Variants in TAF4 observed in about 807,000 individuals in gnomAD.
The protein encoded by TAF4 is transcription initiation factor TFIID subunit 4.
Under a neutral mutation model 90.3 loss-of-function variants are expected in TAF4, and 9 were observed. The observed-to-expected ratio is 0.10, with a 90% confidence interval of 0.06 to 0.17. The LOEUF (loss-of-function observed/expected upper bound fraction) is 0.17. TAF4 is among the 10% of genes least tolerant of loss of function. The pLI is 1.00. For synonymous variants in TAF4, 818 were observed against 638.9 expected, an observed-to-expected ratio of 1.28 and a Z score of -4.23; for missense variants, 1,351 against 1,370.7, an observed-to-expected ratio of 0.99 and a Z score of 0.23.
At chr20:62,046,345 C>A (rs913751826) in intron 1 of TAF4, among the ~76,000 whole-genome samples, 5 of 152,348 alleles carry the variant, frequency 3.3e-5, no homozygotes, top group Middle Eastern at 3.4e-3. Context: ...CGTTTCTATT[C>A]GCTTAAAACA....
At chr20:61,987,755 C>G (rs949354006) in intron 14 of TAF4, among the ~76,000 whole-genome samples, 1 of 152,260 alleles carries the variant, frequency 6.6e-6, no homozygotes, top group African/African-American at 2.4e-5. Flanking sequence ...TATGTCCACA[C>G]GAAATCCTGC....
intron 12 of TAF4, 51 bp downstream of exon 12, chr20:61,998,932 G>C: frequency 1.2e-6 from 2 of 1,601,510 alleles, no homozygotes; most frequent in Non-Finnish European, 1.7e-6. Context: ...TCATCAGGTT[G>C]TGGCTGAGAC....
intron 7 of TAF4, among the ~76,000 whole-genome samples, chr20:62,004,273 T>TG (rs1281922827): frequency 6.6e-6 from 1 of 151,776 alleles, no homozygotes; most frequent in Non-Finnish European, 1.5e-5. Flanking sequence ...TGTTGCCTGG[T>TG]GGCTACAGGT....
At chr20:62,026,695 C>A (rs1035138957) in intron 1 of TAF4, among the ~76,000 whole-genome samples, 1 of 152,200 alleles carries the variant, frequency 6.6e-6, no homozygotes, top group Non-Finnish European at 1.5e-5. Flanking sequence ...GAAAGAGCAG[C>A]CTCTCCTGAA....
chr20:62,006,675 G>A lies in TAF4; in HGVS notation c.2058C>T (p.Thr686=). Residue 686 remains threonine, a synonymous_variant, in exon 7 of 15, where the codon ACC becomes ACT. Coordinates refer to ENST00000252996, the MANE Select transcript of TAF4 (RefSeq NM_003185.4). This position sits in a 1 kb window ranked among gnomAD's most constrained non-coding sequence, Gnocchi z 7.0. The part of the protein sequence containing the change: ...QQSQQQPPPP[T]SQATTALTAV... Reference sequence around the variant, plus strand: ...CCGTGAGCGCAGTGGTGGCCTGCGAGGTGGGCGGTGGCGGCTGCTGCTGGC... The same window carrying A: ...CCGTGAGCGCAGTGGTGGCCTGCGAAGTGGGCGGTGGCGGCTGCTGCTGGC... 6.3e-7 allele frequency: 1 copy of A among 1,595,582 alleles called. No individual in the cohort carries two copies.
chr20:62,064,958 CG>C lies in TAF4; in HGVS notation c.852del (p.Gly285AlafsTer124). The C allele has an allele frequency of 2.5e-6, 1 of 399,756 alleles. No individual in the cohort carries two copies. The highest frequency in any genetic ancestry group is 3.1e-6 in the Non-Finnish European group (1 of 321,746). The allele number at this position is 399,756 out of a possible 1,614,324, so 24.8% of individuals were successfully genotyped here. A position where few individuals can be genotyped will look rare whatever the true frequency, so the allele number is the denominator to read the frequency against. On this transcript the variant is annotated frameshift_variant, in exon 1 of 15. Coordinates refer to ENST00000252996, the MANE Select transcript of TAF4 (RefSeq NM_003185.4). LOFTEE classifies it high-confidence loss of function. ...GCGGTCGGGGGTCCGGCGGGGTGGC[CG>C]GGCGGCCGGGCCAGAGTGGCGGGCG... is the stretch of plus-strand genomic sequence containing the variant. ...PPAPATLARP[P>X]GHPAGPPTAA...
At chr20:61,989,013 A>C (rs569984411) in intron 14 of TAF4, among the ~76,000 whole-genome samples, 1 of 152,144 alleles carries the variant, frequency 6.6e-6, no homozygotes, top group Admixed American at 6.5e-5. Flanking sequence ...CGGAAGAAAA[A>C]AACAAATACA....
At chr20:62,053,642 T>G (rs2056043707) in intron 1 of TAF4, among the ~76,000 whole-genome samples, 1 of 152,244 alleles carries the variant, frequency 6.6e-6, no homozygotes, top group African/African-American at 2.4e-5. Context: ...AGGTCTCACC[T>G]GAGCTACTGC....
intron 1 of TAF4, among the ~76,000 whole-genome samples, chr20:62,017,289 G>T (rs899632900): frequency 6.6e-6 from 1 of 152,172 alleles, no homozygotes; most frequent in African/African-American, 2.4e-5. Flanking sequence ...TGTCAAACCT[G>T]ACATTCTCAT....
intron 14 of TAF4, among the ~76,000 whole-genome samples, chr20:61,983,982 G>C (rs1475146659): frequency 6.6e-6 from 1 of 152,166 alleles, no homozygotes; most frequent in Non-Finnish European, 1.5e-5. Context: ...GATATGACAC[G>C]TGGATATTTA....
chr20:62,016,963 C>A (rs1241142664), intron 1 of TAF4, among the ~76,000 whole-genome samples: 1 of 151,800 alleles, frequency 6.6e-6, no homozygotes, highest in African/African-American at 2.4e-5. Flanking sequence ...TAGTGAGACC[C>A]CATCTTTGCA....
intron 14 of TAF4, among the ~76,000 whole-genome samples, chr20:61,977,139 G>A (rs1226162489): frequency 2.8e-5 from 4 of 143,960 alleles, no homozygotes; most frequent in South Asian, 2.2e-4. Flanking sequence ...AGCGGGGCAC[G>A]CGCCACACAC....
At chr20:62,061,841 T>C (rs2056090403) in intron 1 of TAF4, among the ~76,000 whole-genome samples, 2 of 152,262 alleles carry the variant, frequency 1.3e-5, no homozygotes, top group African/African-American at 2.4e-5. Context: ...TTAACATAAC[T>C]GTCTTTACAA....
chr20:62,003,525 T>C (rs1008807080), intron 8 of TAF4, among the ~76,000 whole-genome samples: 1 of 152,226 alleles, frequency 6.6e-6, no homozygotes, highest in Non-Finnish European at 1.5e-5. Flanking sequence ...AAGCTAACCA[T>C]GGAAAATACA....
chr20:61,997,729 AAAGT>A (rs2055672164), intron 13 of TAF4, 60 bp from the exon 14 acceptor site: 2 of 1,545,408 alleles, frequency 1.3e-6, no homozygotes, highest in Non-Finnish European at 1.7e-6. Flanking sequence ...ACTTACTACA[AAAGT>A]AATACATAGA....
chr20:62,023,747 CAAAAAAAA>C (rs59813943), intron 1 of TAF4, among the ~76,000 whole-genome samples: 5 of 59,566 alleles, frequency 8.4e-5, no homozygotes, highest in Non-Finnish European at 1.4e-4. Context: ...GACTCCATCT[CAAAAAAAA>C]AAAAAAAAAA....
chr20:62,027,297 T>A (rs1186920380), intron 1 of TAF4, among the ~76,000 whole-genome samples: 2 of 152,178 alleles, frequency 1.3e-5, no homozygotes, highest in African/African-American at 4.8e-5. Context: ...AAACGGGCAC[T>A]GTGACTGATG....
rs775510831 is a variant in TAF4, at chr20:62,017,049, G to A, written c.1361-2342C>T. ...CCAGCTACTTGGGAGGCTAGGGTGG[G>A]AGGATCATCTGAGTCCAGGAGCTGG... On this transcript the variant is annotated intron_variant, in intron 1 of 14. Coordinates refer to ENST00000252996, the MANE Select transcript of TAF4 (RefSeq NM_003185.4). Among the ~76,000 whole-genome samples the A allele has an allele frequency of 1.6e-4, 24 of 151,974 alleles. 1 individual carries two copies. The highest frequency in any genetic ancestry group is 1.6e-3 in the Admixed American group (24 of 15,276).
At chr20:62,038,912 G>C (rs942723832) in intron 1 of TAF4, among the ~76,000 whole-genome samples, 4 of 152,194 alleles carry the variant, frequency 2.6e-5, no homozygotes, top group Non-Finnish European at 5.9e-5. Context: ...AATTAGCCGG[G>C]TGTGGTGGCA....
Sources: allele counts gnomAD v4.1 joint callset (sites outside exome capture counted in the v4.1 genomes callset), GRCh38; gene constraint gnomAD v4.1.1; non-coding constraint Gnocchi (gnomAD v3.1); transcripts MANE v1.5; gene names NCBI Gene and HGNC (gene_info 2026-07-23, HGNC 2026-07-21).